The following CD99L2 variants were observed in gnomAD, a reference collection of about 807,000 sequenced individuals.
CD99L2 encodes CD99 molecule like 2.
CD99L2 carries 24 observed loss-of-function variants against 27.3 expected under a neutral mutation model. The ratio of observed to expected loss-of-function variants is 0.88; its 90% CI spans 0.64 to 1.24. CD99L2 has a LOEUF of 1.24. Among genes scored for constraint, CD99L2 ranks in the 50% most tolerant of loss-of-function variants. The probability of loss-of-function intolerance (pLI) is 0.00; values close to 1 mark genes in which losing one functional copy is unlikely to be tolerated. For missense variants in CD99L2, 255 were observed against 221.6 expected, an observed-to-expected ratio of 1.15 and a Z score of -0.96; for synonymous variants, 97 against 87.9, an observed-to-expected ratio of 1.10 and a Z score of -0.58.
chrX:150,820,789 TA>T (rs782401913), intron 2 of CD99L2, among the ~76,000 whole-genome samples: 98 of 110,485 alleles, frequency 8.9e-4, no homozygotes, highest in African/African-American at 3.1e-3. Context: ...TCCACATCAA[TA>T]AAAAAAACTA....
intron 1 of CD99L2, among the ~76,000 whole-genome samples, chrX:150,857,847 T>G (rs1003020328): frequency 1.8e-5 from 2 of 112,252 alleles, no homozygotes. Flanking sequence ...ATATCAATAA[T>G]AACCTTGAAT....
chrX:150,830,899 C>T (rs993258052), intron 2 of CD99L2, among the ~76,000 whole-genome samples: 1 of 110,436 alleles, frequency 9.1e-6, no homozygotes, highest in East Asian at 2.8e-4. Flanking sequence ...ACCTCCACCC[C>T]CCGGGTTCAA....
At chrX:150,811,752 T>C (rs1569565966) in intron 4 of CD99L2, among the ~76,000 whole-genome samples, 1 of 111,950 alleles carries the variant, frequency 8.9e-6, no homozygotes, top group Admixed American at 9.5e-5. Flanking sequence ...TTTTAACAAA[T>C]GGTCCTAGAA....
At chrX:150,841,688 T>C (rs950523075) in intron 1 of CD99L2, among the ~76,000 whole-genome samples, 2 of 111,438 alleles carry the variant, frequency 1.8e-5, no homozygotes, top group Non-Finnish European at 3.8e-5. Flanking sequence ...CGGGTAAATA[T>C]GTTAAGAGGA....
At chrX:150,858,028 A>G (rs2046920197) in intron 1 of CD99L2, among the ~76,000 whole-genome samples, 1 of 112,420 alleles carries the variant, frequency 8.9e-6, no homozygotes, top group South Asian at 3.6e-4. Flanking sequence ...TCCAAAAGTA[A>G]GCAGAAGTAG....
At chrX:150,806,515 G>A (rs781917388) in intron 4 of CD99L2, among the ~76,000 whole-genome samples, 2 of 112,444 alleles carry the variant, frequency 1.8e-5, no homozygotes, top group Non-Finnish European at 3.8e-5. Context: ...CATGCAAATG[G>A]CTGGTCTGCA....
Position 150,777,522 on chromosome X carries a change from C to CAGCTCAGGCTCG in CD99L2, c.497-52_497-41dup, listed in dbSNP as rs3833403. 7,427 of 1,198,769 alleles carry CAGCTCAGGCTCG rather than the reference C, an allele frequency of 6.2e-3. 334 individuals carry two copies. In the Admixed American group the frequency reaches 0.12, roughly 20 times the overall value. On this transcript the variant is annotated intron_variant, in intron 7 of 10. Transcript: ENST00000370377. ...AAAGCACTTAGTGCCAGCGACCAGC[C>CAGCTCAGGCTCG]AGCTCAGGCTCGAGCTCGGGCCTCC... is the stretch of plus-strand genomic sequence containing the variant.
chrX:150,843,877 C>T (rs982837367), intron 1 of CD99L2, among the ~76,000 whole-genome samples: 12 of 110,847 alleles, frequency 1.1e-4, no homozygotes, highest in African/African-American at 3.6e-4. Context: ...TTACTGCCTG[C>T]ACCTACACCA....
chrX:150,875,748 T>C (rs1259060903), intron 1 of CD99L2, among the ~76,000 whole-genome samples: 4 of 111,817 alleles, frequency 3.6e-5, no homozygotes, highest in African/African-American at 9.7e-5. Context: ...GTTCTCATGA[T>C]GGTGAGTAAG....
intron 1 of CD99L2, among the ~76,000 whole-genome samples, chrX:150,868,906 A>G (rs1044692446): frequency 8.9e-6 from 1 of 112,055 alleles, no homozygotes; most frequent in African/African-American, 3.3e-5. Context: ...AGTTACACAC[A>G]TGAGGATCAA....
chrX:150,791,113 C>A (rs1440395920), intron 7 of CD99L2, among the ~76,000 whole-genome samples: 5 of 111,862 alleles, frequency 4.5e-5, no homozygotes, highest in African/African-American at 1.6e-4. Flanking sequence ...CTGTATCTAT[C>A]CATGACTTGG....
intron 1 of CD99L2, among the ~76,000 whole-genome samples, 179 bp from the exon 2 acceptor site, chrX:150,831,472 GTA>G (rs2046443789): frequency 8.9e-6 from 1 of 111,846 alleles, no homozygotes. Flanking sequence ...ATAGAGGCCA[GTA>G]TTGTTAGCAA....
At chrX:150,812,130 C>A (rs1189469291) in intron 4 of CD99L2, among the ~76,000 whole-genome samples, 6 of 111,840 alleles carry the variant, frequency 5.4e-5, no homozygotes, top group Middle Eastern at 4.6e-3. Flanking sequence ...CACTGCACTG[C>A]AGCCTGGGCA....
chrX:150,814,842 T>G lies in CD99L2; in HGVS notation c.277+20A>C. On this transcript the variant is annotated intron_variant, in intron 4 of 10. Transcript: ENST00000370377. ...TAATGAGACAGAATCCTGTAGTAGT[T>G]TCAACCAGCAAAGACTTACCTCTTC... 1 of 1,165,908 alleles carries G rather than the reference T, an allele frequency of 8.6e-7. No individual in the cohort carries two copies. The highest frequency in any genetic ancestry group is 1.8e-5 in the South Asian group (1 of 55,650).
intron 1 of CD99L2, among the ~76,000 whole-genome samples, chrX:150,887,344 G>A (rs1258699068): frequency 9.1e-6 from 1 of 109,437 alleles, no homozygotes; most frequent in Non-Finnish European, 1.9e-5. Context: ...TACTCAGGAG[G>A]CTGAGGCAGG....
chrX:150,898,059 C>A (rs1359712297), intron 1 of CD99L2, among the ~76,000 whole-genome samples: 12 of 22,452 alleles, frequency 5.3e-4, no homozygotes, highest in Non-Finnish European at 1.8e-3. Context: ...CGCTGACCCC[C>A]CCCCCCCCCC....
At position 150,844,664 on chromosome X, in the gene CD99L2, T is replaced by G. The variant is rs782146741; in HGVS notation, c.68-13371A>C. ...ATTGCAAGTGAACATGAAAATGGCT[T>G]TCCTCTTATTCTGATTACTAAATGG... is the stretch of plus-strand genomic sequence containing the variant. On this transcript the variant is annotated intron_variant, in intron 1 of 10. Coordinates refer to ENST00000370377, the MANE Select transcript of CD99L2 (RefSeq NM_031462.4). Among the ~76,000 whole-genome samples, 5 of 112,414 alleles carry G rather than the reference T, an allele frequency of 4.4e-5. No individual in the cohort carries two copies. The South Asian group carries it at 1.8e-3, about 41-fold the overall frequency.
chrX:150,867,611 T>C (rs1304483054), intron 1 of CD99L2, among the ~76,000 whole-genome samples: 1 of 105,932 alleles, frequency 9.4e-6, no homozygotes, highest in Non-Finnish European at 1.9e-5. Flanking sequence ...TAAAACTACA[T>C]GGCTGGGCAC....
At position 150,767,443 on chromosome X, in the gene CD99L2, G is replaced by C. The variant is rs1284733997; in HGVS notation, c.*1591C>G. 1 of 112,110 alleles carries C rather than the reference G, an allele frequency of 8.9e-6. No homozygotes were observed. The highest frequency in any genetic ancestry group is 1.9e-5 in the Non-Finnish European group (1 of 53,241). The allele number at this position is 112,110 out of a possible 1,213,427, so 9.2% of individuals were successfully genotyped here. On this transcript the variant is annotated 3_prime_UTR_variant, in exon 11 of 11. Coordinates refer to ENST00000370377, the MANE Select transcript of CD99L2 (RefSeq NM_031462.4). ...GGGATTAAAGGGCCGAGCAGGAAAA[G>C]GGGTGGTAAGGAGCTCAAGGGCACG... is the stretch of plus-strand genomic sequence containing the variant.
Sources: allele counts gnomAD v4.1 joint callset (sites outside exome capture counted in the v4.1 genomes callset), GRCh38; gene constraint gnomAD v4.1.1; transcripts MANE v1.5; gene names NCBI Gene and HGNC (gene_info 2026-07-23, HGNC 2026-07-21).